The following PLEKHA7 variants were observed in gnomAD, a reference collection of about 807,000 sequenced individuals.
The protein encoded by PLEKHA7 is pleckstrin homology domain containing A7.
In PLEKHA7, 104 loss-of-function variants were observed where a neutral mutation model predicts 170.0. The observed-to-expected ratio is 0.61, with a 90% CI of 0.52 to 0.72. PLEKHA7 has a LOEUF of 0.72. Ranked by LOEUF, PLEKHA7 falls within the 30% of genes least tolerant of loss-of-function variation. PLEKHA7 has a pLI of 0.00. For missense variants in PLEKHA7, 1,615 were observed against 1,671.7 expected (o/e 0.97, Z 0.59); for synonymous variants, 648 against 660.8 (o/e 0.98, Z 0.30).
intron 4 of PLEKHA7, among the ~76,000 whole-genome samples, chr11:16,868,251 C>T (rs1321693477): frequency 6.6e-6 from 1 of 152,184 alleles, no homozygotes; most frequent in Non-Finnish European, 1.5e-5. Context: ...AGACCCTAGC[C>T]TATCCTGACT....
rs369071264 is a variant in PLEKHA7, at chr11:16,801,039, C to G, written c.2344G>C (p.Glu782Gln). 15 of 1,614,144 alleles carry G rather than the reference C, an allele frequency of 9.3e-6. No homozygotes were observed. The African/African-American group carries it at 1.6e-4, about 17-fold the overall frequency. ...TGCTTCAGCTGTTCCACATCATTCT[C>G]CAACTTCAGGTATTCGTTCCAAGCA... ...ENAWNEYLKL[E>Q]NDVEQLKQTL... Residue 782 changes from glutamate to glutamine, a missense_variant, in exon 17 of 27, where the codon GAG becomes CAG. Glu to Gln is a conservative substitution (Grantham distance 29). Coordinates refer to ENST00000531066, the MANE Select transcript of PLEKHA7 (RefSeq NM_001329630.2).
chr11:16,839,143 T>C (rs1031501388), intron 9 of PLEKHA7, among the ~76,000 whole-genome samples: 4 of 152,132 alleles, frequency 2.6e-5, no homozygotes, highest in Non-Finnish European at 4.4e-5. Context: ...CTACAGTACA[T>C]CTACATTATG....
intron 19 of PLEKHA7, among the ~76,000 whole-genome samples, chr11:16,794,083 T>C (rs879609097): frequency 3.3e-5 from 5 of 152,138 alleles, no homozygotes; most frequent in East Asian, 1.9e-4. Context: ...ACTTTTCCAC[T>C]GGACTGAACT....
intron 3 of PLEKHA7, among the ~76,000 whole-genome samples, chr11:16,946,589 C>A (rs950537552): frequency 5.9e-5 from 9 of 152,148 alleles, no homozygotes; most frequent in African/African-American, 2.2e-4. Flanking sequence ...TCAGTATGCA[C>A]AGAGGATGCC....
chr11:16,789,347 C>A lies in PLEKHA7; in HGVS notation c.3157-51G>T. On this transcript the variant is annotated intron_variant, in intron 22 of 26. Coordinates refer to ENST00000531066, the MANE Select transcript of PLEKHA7 (RefSeq NM_001329630.2). The surrounding 1 kb of genome is among the most constrained non-coding windows in gnomAD (Gnocchi z 4.6). ...AGACACAGAACAGCTGGGCTGGGCACGCAGAGGACAGCCACCCTGCTGGCT... is the reference window on the plus strand; with the variant it reads ...AGACACAGAACAGCTGGGCTGGGCAAGCAGAGGACAGCCACCCTGCTGGCT... The A allele has an allele frequency of 6.4e-7, 1 of 1,572,092 alleles. No homozygotes were observed. The highest frequency in any genetic ancestry group is 8.7e-7 in the Non-Finnish European group (1 of 1,148,520).
Position 16,791,389 on chromosome 11 carries a change from T to G in PLEKHA7, c.2746-190A>C. The G allele has an allele frequency of 1.6e-6, 1 of 618,406 alleles. No homozygotes were observed. Among genetic ancestry groups the G allele is most frequent in the Non-Finnish European group, 2.9e-6 (1 of 348,196 alleles). 38.3% of individuals were successfully genotyped at this position (618,406 alleles called of 1,614,324 possible). ...GTGAAGAAGGGACATGCTCTGCTCCTCTATCCCCTCAGAGGTATACAGTTT... is the reference window on the plus strand; with the variant it reads ...GTGAAGAAGGGACATGCTCTGCTCCGCTATCCCCTCAGAGGTATACAGTTT... On this transcript the variant is annotated intron_variant, in intron 19 of 26. Coordinates refer to ENST00000531066, the MANE Select transcript of PLEKHA7 (RefSeq NM_001329630.2). The surrounding 1 kb of genome is among the most constrained non-coding windows in gnomAD (Gnocchi z 4.5).
At chr11:17,002,541 T>G (rs1211267637) in intron 3 of PLEKHA7, among the ~76,000 whole-genome samples, 1 of 152,166 alleles carries the variant, frequency 6.6e-6, no homozygotes, top group Non-Finnish European at 1.5e-5. Context: ...TGCTGGGGCC[T>G]TGGGAAGATC....
At position 17,003,290 on chromosome 11, in the gene PLEKHA7, C is replaced by A. The variant is rs545598880; in HGVS notation, c.221+10699G>T. ...ACACATGTGAGCCACCACACCCAGC[C>A]CAAGGTTGTGCAGTTTTTATTGGTC... On this transcript the variant is annotated intron_variant, in intron 3 of 26. Coordinates refer to ENST00000531066, the MANE Select transcript of PLEKHA7 (RefSeq NM_001329630.2). Among the ~76,000 whole-genome samples the A allele has an allele frequency of 3.3e-5, 5 of 152,266 alleles. No homozygotes were observed. In the East Asian group the frequency reaches 9.7e-4, roughly 29 times the overall value.
At chr11:16,823,257 C>T (rs1043658065) in intron 10 of PLEKHA7, among the ~76,000 whole-genome samples, 15 of 152,140 alleles carry the variant, frequency 9.9e-5, no homozygotes, top group Admixed American at 6.5e-4. Context: ...CCTACCACCT[C>T]GGCCTCCCAA....
chr11:16,880,770 A>T (rs151236797), intron 3 of PLEKHA7, among the ~76,000 whole-genome samples: 1 of 152,236 alleles, frequency 6.6e-6, no homozygotes, highest in Non-Finnish European at 1.5e-5. Flanking sequence ...CTGTCCTGTG[A>T]AACATTTTTA....
intron 3 of PLEKHA7, among the ~76,000 whole-genome samples, chr11:16,981,361 G>A (rs1863414451): frequency 6.6e-6 from 1 of 152,196 alleles, no homozygotes; most frequent in Non-Finnish European, 1.5e-5. Context: ...GAGAGGTTCA[G>A]CTGGCAGTGC....
intron 3 of PLEKHA7, among the ~76,000 whole-genome samples, chr11:17,011,117 G>C (rs922029764): frequency 2.0e-5 from 3 of 152,198 alleles, no homozygotes; most frequent in African/African-American, 7.2e-5. Context: ...CAAAGGTGTG[G>C]AAGGCTGTGC....
chr11:16,980,118 A>G (rs1349980769), intron 3 of PLEKHA7, among the ~76,000 whole-genome samples: 2 of 152,252 alleles, frequency 1.3e-5, no homozygotes, highest in Non-Finnish European at 2.9e-5. Context: ...AACCTCTTCA[A>G]TGCTTGTTTC....
intron 17 of PLEKHA7, among the ~76,000 whole-genome samples, chr11:16,799,323 C>A (rs1305120257): frequency 6.6e-6 from 1 of 152,114 alleles, no homozygotes; most frequent in Non-Finnish European, 1.5e-5. Flanking sequence ...TATGCATGTG[C>A]ATATTTTTGA....
At position 16,841,560 on chromosome 11, in the gene PLEKHA7, A is replaced by C; in HGVS notation, c.859T>G (p.Ser287Ala). The change falls in exon 9 of 27, where the codon TCG becomes GCG. Residue 287 changes from serine to alanine, a missense_variant. Transcript: ENST00000531066. ...MNQAAQVLSR[S>A]SLKRDMEKVE... Reference sequence around the variant, plus strand: ...ATCAGAACTAACCTCTTCAGTGACGATCGAGACAGCACCTGTGCAGCCTGG... The same window carrying C: ...ATCAGAACTAACCTCTTCAGTGACGCTCGAGACAGCACCTGTGCAGCCTGG... The C allele has an allele frequency of 6.2e-7, 1 of 1,613,502 alleles. No individual in the cohort carries two copies. The highest frequency in any genetic ancestry group is 8.5e-7 in the Non-Finnish European group (1 of 1,179,968).
chr11:16,909,223 C>A (rs761357502), intron 3 of PLEKHA7, among the ~76,000 whole-genome samples: 1 of 151,986 alleles, frequency 6.6e-6, no homozygotes, highest in Admixed American at 6.6e-5. Flanking sequence ...CACATCCTAG[C>A]GGGAGAAAAT....
At chr11:16,998,646 C>G (rs1456088174) in intron 3 of PLEKHA7, among the ~76,000 whole-genome samples, 1 of 151,854 alleles carries the variant, frequency 6.6e-6, no homozygotes, top group Non-Finnish European at 1.5e-5. Context: ...AAAGTTGAAG[C>G]AAAAACCGAC....
At chr11:16,853,606 T>G (rs1048519612) in intron 6 of PLEKHA7, among the ~76,000 whole-genome samples, 1 of 152,218 alleles carries the variant, frequency 6.6e-6, no homozygotes, top group Non-Finnish European at 1.5e-5. Context: ...GGGAATTATT[T>G]ACAAATACTT....
At chr11:16,878,815 C>A (rs414219) in intron 3 of PLEKHA7, among the ~76,000 whole-genome samples, 4 of 152,160 alleles carry the variant, frequency 2.6e-5, no homozygotes, top group Non-Finnish European at 5.9e-5. Context: ...ACTCAAGTAA[C>A]AGAGACAAGA....
Sources: gnomAD v4.1 joint callset for allele counts (sites outside exome capture counted in the v4.1 genomes callset) on GRCh38, gnomAD v4.1.1 for gene constraint, Gnocchi (gnomAD v3.1) non-coding constraint, MANE v1.5 for transcripts, NCBI Gene and HGNC (gene_info 2026-07-23, HGNC 2026-07-21) for gene names.